Variants in ANKH observed in about 807,000 individuals in gnomAD.
ANKH encodes ANKH inorganic pyrophosphate transport regulator, also known as mineralization regulator ANKH.
In ANKH, 15 loss-of-function variants were observed where a neutral mutation model predicts 49.0. That is an observed-to-expected ratio of 0.31 (90% CI 0.20 to 0.47). The LOEUF (loss-of-function observed/expected upper bound fraction) is 0.47, where lower values mean the gene tolerates loss of function less well. Ranked by LOEUF, ANKH falls within the 20% of genes least tolerant of loss-of-function variation. The probability of loss-of-function intolerance (pLI) is 1.00; values close to 1 mark genes in which losing one functional copy is unlikely to be tolerated. For synonymous variants in ANKH, 273 were observed against 260.0 expected (o/e 1.05, Z -0.48); for missense variants, 429 against 652.0 (o/e 0.66, Z 3.72).
chr5:14,761,172 A>T (rs955592490), intron 2 of ANKH, among the ~76,000 whole-genome samples: 1 of 152,174 alleles, frequency 6.6e-6, no homozygotes. Context: ...GGCCTAGATG[A>T]CAGTCTTCCT....
intron 1 of ANKH, among the ~76,000 whole-genome samples, chr5:14,841,666 C>T (rs987186426): frequency 6.6e-6 from 1 of 152,170 alleles, no homozygotes. Context: ...CAACCATCCA[C>T]ACCATCCATC....
chr5:14,802,182 C>A (rs1007654843), intron 1 of ANKH, among the ~76,000 whole-genome samples: 1 of 152,144 alleles, frequency 6.6e-6, no homozygotes, highest in African/African-American at 2.4e-5. Context: ...AATCTCAGTG[C>A]GTTCAGAAAT....
At chr5:14,763,513 C>A (rs900599883) in intron 2 of ANKH, among the ~76,000 whole-genome samples, 1 of 152,202 alleles carries the variant, frequency 6.6e-6, no homozygotes, top group South Asian at 2.1e-4. Flanking sequence ...CTATACTAGG[C>A]AACACTTGTC....
At chr5:14,847,005 C>CAAAAA (rs386403087) in intron 1 of ANKH, among the ~76,000 whole-genome samples, 6,123 of 109,924 alleles carry the variant, frequency 0.056, 272 homozygotes, top group Non-Finnish European at 0.071. Flanking sequence ...AAGACTGCCT[C>CAAAAA]AAAAAAAAAA....
chr5:14,852,882 G>C (rs1294018496), intron 1 of ANKH, among the ~76,000 whole-genome samples: 1 of 152,088 alleles, frequency 6.6e-6, no homozygotes. Flanking sequence ...AGAAGATCTA[G>C]CCTCACCCAG....
chr5:14,826,015 C>G (rs1385129890), intron 1 of ANKH: 1 of 153,980 alleles, frequency 6.5e-6, no homozygotes, highest in African/African-American at 2.4e-5. Flanking sequence ...AGTAAGGGTC[C>G]TAACTAATTT....
chr5:14,717,237 G>C (rs1737503272), intron 8 of ANKH: 2 of 281,070 alleles, frequency 7.1e-6, no homozygotes, highest in Non-Finnish European at 1.4e-5. Flanking sequence ...AATAAAAAAA[G>C]ACCTGAAAGT....
chr5:14,807,355 T>C (rs1243764985), intron 1 of ANKH, among the ~76,000 whole-genome samples: 1 of 152,034 alleles, frequency 6.6e-6, no homozygotes, highest in Non-Finnish European at 1.5e-5. Flanking sequence ...GCTCAGATGA[T>C]CCACCCGCCT....
chr5:14,858,414 T>G (rs10866508), intron 1 of ANKH, among the ~76,000 whole-genome samples: 6,037 of 152,242 alleles, frequency 0.04, 217 homozygotes, highest in East Asian at 0.2. Context: ...GTTACAATAT[T>G]GTTTTAAAAT....
chr5:14,791,281 G>C (rs747498179), intron 1 of ANKH, among the ~76,000 whole-genome samples: 2 of 152,064 alleles, frequency 1.3e-5, no homozygotes, highest in Non-Finnish European at 2.9e-5. Flanking sequence ...GTCTGAAAGA[G>C]GTGGCCATGT....
At chr5:14,747,233 A>C (rs1392040045) in intron 6 of ANKH, among the ~76,000 whole-genome samples, 10 of 152,198 alleles carry the variant, frequency 6.6e-5, no homozygotes, top group Admixed American at 6.5e-4. Context: ...TTTTAATTTA[A>C]GAAAATTAAA....
At chr5:14,837,601 G>A (rs537095177) in intron 1 of ANKH, among the ~76,000 whole-genome samples, 46 of 152,262 alleles carry the variant, frequency 3.0e-4, no homozygotes, top group African/African-American at 8.7e-4. Flanking sequence ...TTAGAATGGC[G>A]ATCATTAAAA....
chr5:14,834,071 G>T (rs181166054), intron 1 of ANKH, among the ~76,000 whole-genome samples: 15 of 152,270 alleles, frequency 9.9e-5, no homozygotes, highest in African/African-American at 2.6e-4. Context: ...CATCTTTAAA[G>T]TACAGGGGCA....
intron 1 of ANKH, among the ~76,000 whole-genome samples, chr5:14,823,300 G>A (rs1192806114): frequency 2.6e-5 from 4 of 152,072 alleles, no homozygotes. Context: ...AGTCATAACT[G>A]CTTTGAACTG....
intron 1 of ANKH, among the ~76,000 whole-genome samples, chr5:14,828,404 G>A (rs1741407414): frequency 1.3e-5 from 2 of 152,156 alleles, no homozygotes; most frequent in Admixed American, 6.5e-5. Flanking sequence ...CCTGGCGCCT[G>A]TAATCCCAGC....
chr5:14,770,822 T>C lies in ANKH; in HGVS notation c.97-1631A>G, dbSNP rs1422685108. Among the ~76,000 whole-genome samples the C allele has an allele frequency of 6.6e-6, 1 of 152,212 alleles. No individual in the cohort carries two copies. The highest frequency in any genetic ancestry group is 2.4e-5 in the African/African-American group (1 of 41,466). ...TACTCTTGGTATATTGTACATTCTG[T>C]GGATTCTGACAAATGCAGAATGACA... On this transcript the variant is annotated intron_variant, in intron 1 of 11. Coordinates refer to ENST00000284268, the MANE Select transcript of ANKH (RefSeq NM_054027.6). This position sits in a 1 kb window ranked among gnomAD's most constrained non-coding sequence, Gnocchi z 4.1.
At chr5:14,740,777 T>C (rs896561702) in intron 8 of ANKH, among the ~76,000 whole-genome samples, 3 of 152,246 alleles carry the variant, frequency 2.0e-5, no homozygotes, top group African/African-American at 7.2e-5. Context: ...ACGGTTCTTG[T>C]GATGACGGTA....
intron 1 of ANKH, among the ~76,000 whole-genome samples, chr5:14,829,184 CAA>C (rs56223225): frequency 2.0e-4 from 21 of 106,058 alleles, no homozygotes; most frequent in African/African-American, 6.9e-4. Flanking sequence ...GACTCTGTCT[CAA>C]AAAAAAAAAA....
rs748056751 is a variant in ANKH at position 14,705,374 on chromosome 5, A to T, written c.*5823T>A. The T allele has an allele frequency of 6.6e-6, 1 of 152,220 alleles. No individual in the cohort carries two copies. Among genetic ancestry groups the T allele is most frequent in the Non-Finnish European group, 1.5e-5 (1 of 68,038 alleles). The allele number at this position is 152,220 out of a possible 1,614,324, so 9.4% of individuals were successfully genotyped here. ...TTCTTCCATTGTAGGATCTCATACG[A>T]CGTTCTAAATCCTAGATCATAAACA... On this transcript the variant is annotated 3_prime_UTR_variant, in exon 12 of 12. Transcript: ENST00000284268.
Sources: gnomAD v4.1 joint callset for allele counts (sites outside exome capture counted in the v4.1 genomes callset) on GRCh38, gnomAD v4.1.1 for gene constraint, Gnocchi (gnomAD v3.1) non-coding constraint, MANE v1.5 for transcripts, NCBI Gene and HGNC (gene_info 2026-07-23, HGNC 2026-07-21) for gene names.